CBR1: variants seen among roughly 807,000 people sequenced by gnomAD.
CBR1 encodes carbonyl reductase [NADPH] 1.
In CBR1, 11 loss-of-function variants were observed where a neutral mutation model predicts 10.6. The observed-to-expected ratio is 1.03, with a 90% CI of 0.65 to 1.71. The LOEUF is 1.71. Ranked by LOEUF, CBR1 falls within the 40% of genes most tolerant of loss-of-function variation. The pLI, the probability that CBR1 is intolerant of heterozygous loss-of-function variation, is 0.00. For synonymous variants in CBR1, 158 were observed against 156.7 expected (o/e 1.01, Z -0.06); for missense variants, 361 against 368.6 (o/e 0.98, Z 0.17).
chr21:36,072,830 C>T lies in CBR1; in HGVS notation c.782C>T (p.Ala261Val). Reference protein sequence around the residue: ...PVYLALLPPDAEGPHGQFVSE... With the variant: ...PVYLALLPPDVEGPHGQFVSE... ...TACTTGGCCCTTTTGCCCCCAGATG[C>T]TGAGGGTCCCCATGGACAATTTGTT... The change falls in exon 3 of 3, where the codon GCT becomes GTT. Residue 261 changes from alanine to valine, a missense_variant. By Grantham distance (64) the Ala-to-Val change is moderately conservative. Coordinates refer to ENST00000290349, the MANE Select transcript of CBR1 (RefSeq NM_001757.4). The T allele has an allele frequency of 6.2e-7, 1 of 1,613,944 alleles. No individual in the cohort carries two copies. Among genetic ancestry groups the T allele is most frequent in the Non-Finnish European group, 8.5e-7 (1 of 1,179,986 alleles).
Position 36,070,045 on chromosome 21 carries a change from C to G in CBR1, c.-71C>G. 7.0e-7 allele frequency: 1 copy of G among 1,425,262 alleles called. No homozygotes were observed. The highest frequency in any genetic ancestry group is 9.2e-7 in the Non-Finnish European group (1 of 1,086,702). 88.3% of individuals were successfully genotyped at this position (1,425,262 alleles called of 1,614,324 possible). A position where few individuals can be genotyped will look rare whatever the true frequency, so the allele number is the denominator to read the frequency against. On this transcript the variant is annotated 5_prime_UTR_variant, in exon 1 of 3. Transcript: ENST00000290349. ...CGCCAGACTCGAGCAGTCTCTGGAACACGCTGCGGGGCTCCCGGGCCTGAG... is the reference window on the plus strand; with the variant it reads ...CGCCAGACTCGAGCAGTCTCTGGAAGACGCTGCGGGGCTCCCGGGCCTGAG...
In CBR1 at chr21:36,072,437, G is replaced by A. The variant is rs1280690430; in HGVS notation, c.398-9G>A. The A allele has an allele frequency of 6.2e-6, 10 of 1,614,008 alleles. No homozygotes were observed. Among genetic ancestry groups the A allele is most frequent in the Non-Finnish European group, 8.5e-6 (10 of 1,180,012 alleles). ...ACCTTTCTACATAATGCTTTGTGGT[G>A]TATCTTAGGGAGAGTGGTGAACGTA... On this transcript the variant is annotated splice_polypyrimidine_tract_variant and intron_variant, in intron 2 of 2. Transcript: ENST00000290349.
intron 2 of CBR1, chr21:36,071,291 G>A (rs970476399): frequency 2.4e-5 from 16 of 669,446 alleles, no homozygotes; most frequent in South Asian, 1.9e-4. Flanking sequence ...ACACCTGGCT[G>A]ACTCTCATCC....
chr21:36,072,108 G>T, intron 2 of CBR1: 1 of 1,503,482 alleles, frequency 6.7e-7, no homozygotes, highest in South Asian at 1.3e-5. Flanking sequence ...GCTTCGAGTT[G>T]GGTACTTGCA....
At chr21:36,070,849 C>A (rs2123835477) in intron 1 of CBR1, 101 bp from the exon 2 acceptor site, 1 of 659,824 alleles carries the variant, frequency 1.5e-6, no homozygotes, top group Non-Finnish European at 2.4e-6. Flanking sequence ...GCAGAGGGCA[C>A]TAAGTTTTTT....
Position 36,070,858 on chromosome 21 carries a change from T to TGTTTTTTG in CBR1, c.290-92_290-91insGTTTTTTG, listed in dbSNP as rs113589610. ...CTTTAGGCAGAGGGCACTAAGTTTT[T>TGTTTTTTG]TTTTTTTTTTTTTTTTTTTTTTAGT... On this transcript the variant is annotated intron_variant, in intron 1 of 2. Coordinates refer to ENST00000290349, the MANE Select transcript of CBR1 (RefSeq NM_001757.4). 1.2e-5 allele frequency: 7 copies of TGTTTTTTG among 590,296 alleles called. 2 individuals are homozygous for TGTTTTTTG. Among genetic ancestry groups the TGTTTTTTG allele is most frequent in the African/African-American group, 6.0e-5 (3 of 50,014 alleles). The allele number at this position is 590,296 out of a possible 1,614,324, so 36.6% of individuals were successfully genotyped here. A position where few individuals can be genotyped will look rare whatever the true frequency, so the allele number is the denominator to read the frequency against.
rs1323588476 is a variant in CBR1, at chr21:36,071,060, G to A, written c.397+3G>A. On this transcript the variant is annotated splice_donor_region_variant and intron_variant, in intron 2 of 2. Transcript: ENST00000290349. ...ACTCCCTCTAATAAAACCCCAAGGT[G>A]AGTCTGATGGGAAACAGCGCACCTT... 1 of 1,583,648 alleles carries A rather than the reference G, an allele frequency of 6.3e-7. No individual in the cohort carries two copies. Among genetic ancestry groups the A allele is most frequent in the Non-Finnish European group, 8.7e-7 (1 of 1,152,242 alleles).
In CBR1 at chr21:36,070,071, C is replaced by T. The variant is rs2065336651; in HGVS notation, c.-45C>T. 6.9e-7 allele frequency: 1 copy of T among 1,452,930 alleles called. No homozygotes were observed. The highest frequency in any genetic ancestry group is 9.1e-7 in the Non-Finnish European group (1 of 1,099,364). The allele number at this position is 1,452,930 out of a possible 1,614,324, so 90.0% of individuals were successfully genotyped here. Reference sequence around the variant, plus strand: ...ACGCTGCGGGGCTCCCGGGCCTGAGCCAGGTCTGTTCTCCACGCAGGTGTT... The same window carrying T: ...ACGCTGCGGGGCTCCCGGGCCTGAGTCAGGTCTGTTCTCCACGCAGGTGTT... On this transcript the variant is annotated 5_prime_UTR_variant, in exon 1 of 3. Transcript: ENST00000290349.
chr21:36,070,878 T>G (rs1026467819), intron 1 of CBR1, 72 bp from the exon 2 acceptor site: 2 of 901,602 alleles, frequency 2.2e-6, no homozygotes, highest in African/African-American at 3.4e-5. Context: ...TTTTTTTTTT[T>G]TTAGTATCAT....
chr21:36,072,039 C>A, intron 2 of CBR1: 4 of 1,500,100 alleles, frequency 2.7e-6, no homozygotes, highest in South Asian at 1.3e-5. Context: ...AGGAGATGAA[C>A]CCACCCATTA....
At chr21:36,070,906 C>A in intron 1 of CBR1, 44 bp from the exon 2 acceptor site, 2 of 1,206,236 alleles carry the variant, frequency 1.7e-6, no homozygotes, top group Non-Finnish European at 2.4e-6. Flanking sequence ...AATTTTACCC[C>A]ATGGGTACAA....
rs565597795 is a variant in CBR1 at position 36,071,296 on chromosome 21, T to C, written c.397+239T>C. On this transcript the variant is annotated intron_variant, in intron 2 of 2. Coordinates refer to ENST00000290349, the MANE Select transcript of CBR1 (RefSeq NM_001757.4). ...TGGTCTTTGCACACCTGGCTGACTC[T>C]CATCCTTCAGGTCTTAGCTCAAACG... 1.1e-3 allele frequency: 732 copies of C among 665,672 alleles called. 1 individual carries two copies. Among genetic ancestry groups the C allele is most frequent in the South Asian group, 2.0e-3 (123 of 61,412 alleles). 41.2% of individuals were successfully genotyped at this position (665,672 alleles called of 1,614,324 possible).
At position 36,072,492 on chromosome 21, in the gene CBR1, AAGCTGCAGCCCAGAGCTGCAGC is replaced by A. The variant is rs749706098; in HGVS notation, c.447_468del (p.Ser149ArgfsTer17). ...GCATCATGAGCGTCAGAGCCCTTAA[AAGCTGCAGCCCAGAGCTGCAGC>A]AGAAGTTCCGCAGTGAGACCATCAC... On this transcript the variant is annotated frameshift_variant, in exon 3 of 3. Transcript: ENST00000290349. LOFTEE classifies it low-confidence loss of function (END_TRUNC). 6.2e-7 allele frequency: 1 copy of A among 1,613,354 alleles called. No individual in the cohort carries two copies. Among genetic ancestry groups the A allele is most frequent in the African/African-American group, 1.3e-5 (1 of 74,868 alleles).
chr21:36,070,946 A>G lies in CBR1; in HGVS notation c.290-4A>G, dbSNP rs2065347796. ...TTAACTATGTTCTCTTTCTCTCCTA[A>G]AAGTTGCTGATCCCACACCCTTTCA... On this transcript the variant is annotated splice_polypyrimidine_tract_variant and splice_region_variant and intron_variant, in intron 1 of 2. Coordinates refer to ENST00000290349, the MANE Select transcript of CBR1 (RefSeq NM_001757.4). 6.2e-7 allele frequency: 1 copy of G among 1,600,492 alleles called. No individual in the cohort carries two copies. The highest frequency in any genetic ancestry group is 8.6e-7 in the Non-Finnish European group (1 of 1,168,408).
At chr21:36,070,860 T>TG in intron 1 of CBR1, 90 bp from the exon 2 acceptor site, 2 of 618,216 alleles carry the variant, frequency 3.2e-6, no homozygotes, top group Non-Finnish European at 5.3e-6. Context: ...TAAGTTTTTT[T>TG]TTTTTTTTTT....
intron 2 of CBR1, 116 bp downstream of exon 2, chr21:36,071,173 C>A: frequency 1.3e-6 from 1 of 779,892 alleles, no homozygotes; most frequent in South Asian, 1.4e-5. Flanking sequence ...GCACTGACCT[C>A]TGTGCTTTTT....
In CBR1 at chr21:36,070,051, GC is replaced by G. The variant is rs1252634265; in HGVS notation, c.-64del. 14 of 1,434,562 alleles carry G rather than the reference GC, an allele frequency of 9.8e-6. No homozygotes were observed. The highest frequency in any genetic ancestry group is 1.3e-5 in the Non-Finnish European group (14 of 1,090,732). The allele number at this position is 1,434,562 out of a possible 1,614,324, so 88.9% of individuals were successfully genotyped here. A position where few individuals can be genotyped will look rare whatever the true frequency, so the allele number is the denominator to read the frequency against. On this transcript the variant is annotated 5_prime_UTR_variant, in exon 1 of 3. Coordinates refer to ENST00000290349, the MANE Select transcript of CBR1 (RefSeq NM_001757.4). Reference sequence around the variant, plus strand: ...ACTCGAGCAGTCTCTGGAACACGCTGCGGGGCTCCCGGGCCTGAGCCAGGTC... The same window carrying G: ...ACTCGAGCAGTCTCTGGAACACGCTGGGGGCTCCCGGGCCTGAGCCAGGTC...
chr21:36,070,335 CG>C lies in CBR1; in HGVS notation c.221del (p.Arg74ProfsTer36), dbSNP rs1466932924. The C allele has an allele frequency of 2.5e-6, 4 of 1,613,208 alleles. No individual in the cohort carries two copies. Among genetic ancestry groups the C allele is most frequent in the Non-Finnish European group, 3.4e-6 (4 of 1,179,890 alleles). On this transcript the variant is annotated frameshift_variant, in exon 1 of 3. Transcript: ENST00000290349. LOFTEE classifies it high-confidence loss of function. The stretch of plus-strand genomic sequence containing the variant: ...CGATCTGCAGAGCATCCGCGCCCTG[CG>C]CGACTTCCTGCGCAAGGAGTACGGG... ...IDDLQSIRAL[R>X]DFLRKEYGGL...
At chr21:36,071,811 C>T (rs968035005) in intron 2 of CBR1, 45 of 1,532,980 alleles carry the variant, frequency 2.9e-5, no homozygotes, top group Non-Finnish European at 3.7e-5. Flanking sequence ...TTTTCCTTTC[C>T]CAGCATCCTG....
Sources: gnomAD v4.1 joint callset for allele counts on GRCh38, gnomAD v4.1.1 for gene constraint, MANE v1.5 for transcripts, NCBI Gene and HGNC (gene_info 2026-07-23, HGNC 2026-07-21) for gene names.